The following ARFIP1 variants were observed in gnomAD, a reference collection of about 807,000 sequenced individuals.
ARFIP1 encodes the protein ARF interacting protein 1, also known as arfaptin-1.
A neutral mutation model predicts 42.5 loss-of-function variants in ARFIP1; 24 were observed. That is an observed-to-expected ratio of 0.57 (90% CI 0.41 to 0.80). The LOEUF (loss-of-function observed/expected upper bound fraction) is 0.80, where lower values mean the gene tolerates loss of function less well. ARFIP1 is among the 30% of genes least tolerant of loss of function. The probability of loss-of-function intolerance (pLI) is 0.00; values close to 1 mark genes in which losing one functional copy is unlikely to be tolerated. For synonymous variants in ARFIP1, 141 were observed against 153.7 expected (o/e 0.92, Z 0.61); for missense variants, 354 against 434.0 (o/e 0.82, Z 1.64).
chr4:152,835,339 A>T (rs540178842), intron 2 of ARFIP1, among the ~76,000 whole-genome samples: 82 of 152,304 alleles, frequency 5.4e-4, no homozygotes, highest in African/African-American at 1.9e-3. Flanking sequence ...TGCTGTTTAG[A>T]AATTTCTTCT....
At chr4:152,838,766 C>T (rs1414862046) in intron 2 of ARFIP1, among the ~76,000 whole-genome samples, 1 of 152,014 alleles carries the variant, frequency 6.6e-6, no homozygotes. Flanking sequence ...TTTGGATGTC[C>T]TTATTTCTTT....
At chr4:152,909,754 T>C (rs1299901007) in intron 8 of ARFIP1, among the ~76,000 whole-genome samples, 3 of 152,226 alleles carry the variant, frequency 2.0e-5, no homozygotes, top group Non-Finnish European at 4.4e-5. Context: ...ATTTTGAATG[T>C]ACTTAGTTTG....
chr4:152,889,190 A>G (rs1312726202), intron 8 of ARFIP1, among the ~76,000 whole-genome samples: 1 of 152,056 alleles, frequency 6.6e-6, no homozygotes, highest in Admixed American at 6.6e-5. Flanking sequence ...CATAACATCA[A>G]AGGGCATTTT....
intron 2 of ARFIP1, among the ~76,000 whole-genome samples, chr4:152,859,102 G>A (rs1029168583): frequency 1.1e-4 from 16 of 152,024 alleles, no homozygotes; most frequent in Non-Finnish European, 1.6e-4. Context: ...TGGCTCTGCT[G>A]CCCAGTCTAC....
intron 7 of ARFIP1, 119 bp from the exon 8 acceptor site, chr4:152,888,014 G>T: frequency 1.6e-6 from 1 of 641,098 alleles, no homozygotes. Flanking sequence ...TAGAATATGT[G>T]TGAGAATTTT....
chr4:152,789,543 G>A (rs1412839875), intron 1 of ARFIP1, among the ~76,000 whole-genome samples: 1 of 152,186 alleles, frequency 6.6e-6, no homozygotes, highest in East Asian at 1.9e-4. Context: ...TCTCTGTGAA[G>A]CACACAATTG....
At chr4:152,908,086 C>T (rs1738519060) in intron 8 of ARFIP1, among the ~76,000 whole-genome samples, 1 of 152,092 alleles carries the variant, frequency 6.6e-6, no homozygotes, top group Non-Finnish European at 1.5e-5. Context: ...TTGAGTTTTC[C>T]TATTTCCTAA....
intron 2 of ARFIP1, among the ~76,000 whole-genome samples, chr4:152,832,521 G>GTC (rs1389289136): frequency 6.6e-6 from 1 of 152,060 alleles, no homozygotes; most frequent in African/African-American, 2.4e-5. Flanking sequence ...TCTTCTTCCA[G>GTC]TCTATGTCTT....
intron 8 of ARFIP1, among the ~76,000 whole-genome samples, chr4:152,889,809 CTATATATATACTATATATACTATATACTA>C (rs1736657502): frequency 9.3e-6 from 1 of 107,190 alleles, no homozygotes; most frequent in Admixed American, 1.2e-4. Context: ...ATACTATATA[CTATATATATACTATATATACTATATACTA>C]TATATATACT....
chr4:152,811,112 T>C (rs1044554335), intron 1 of ARFIP1, among the ~76,000 whole-genome samples: 6 of 102,508 alleles, frequency 5.9e-5, no homozygotes, highest in African/African-American at 1.4e-4. Flanking sequence ...TTTTTTTTTT[T>C]CAGTTTGGAA....
chr4:152,790,237 A>T (rs1304056476), intron 1 of ARFIP1, among the ~76,000 whole-genome samples: 6 of 152,232 alleles, frequency 3.9e-5, no homozygotes, highest in Admixed American at 3.3e-4. Flanking sequence ...TAGTAACAAA[A>T]AGTAACTCTC....
At chr4:152,806,762 A>G (rs1561110985) in intron 1 of ARFIP1, among the ~76,000 whole-genome samples, 1 of 151,684 alleles carries the variant, frequency 6.6e-6, no homozygotes, top group South Asian at 2.1e-4. Context: ...ATTCTGTACA[A>G]CTGGAATCAT....
At chr4:152,834,442 T>C (rs1388047412) in intron 2 of ARFIP1, among the ~76,000 whole-genome samples, 2 of 152,204 alleles carry the variant, frequency 1.3e-5, no homozygotes, top group Non-Finnish European at 2.9e-5. Context: ...AAACAAGTTA[T>C]TTACTCCCAA....
At chr4:152,840,322 GA>G (rs1191154931) in intron 2 of ARFIP1, among the ~76,000 whole-genome samples, 1 of 152,120 alleles carries the variant, frequency 6.6e-6, no homozygotes, top group Non-Finnish European at 1.5e-5. Context: ...CTATCTTGAT[GA>G]CCTGTCTAGT....
chr4:152,819,710 G>A (rs1578865352), intron 1 of ARFIP1, among the ~76,000 whole-genome samples: 1 of 152,190 alleles, frequency 6.6e-6, no homozygotes, highest in East Asian at 1.9e-4. Flanking sequence ...CTTGGGGGAA[G>A]TTTCTTTCAG....
intron 1 of ARFIP1, among the ~76,000 whole-genome samples, chr4:152,813,903 T>C (rs758838443): frequency 1.3e-4 from 20 of 152,158 alleles, no homozygotes; most frequent in South Asian, 4.1e-4. Flanking sequence ...TCCTCCTCCT[T>C]CTTTTCTGAA....
intron 3 of ARFIP1, among the ~76,000 whole-genome samples, chr4:152,867,561 A>G (rs1734519084): frequency 6.6e-6 from 1 of 152,040 alleles, no homozygotes; most frequent in Non-Finnish European, 1.5e-5. Flanking sequence ...GAGGGTCTCG[A>G]AACAATTACT....
At chr4:152,887,589 T>C (rs1736368986) in intron 7 of ARFIP1, among the ~76,000 whole-genome samples, 1 of 152,102 alleles carries the variant, frequency 6.6e-6, no homozygotes, top group Non-Finnish European at 1.5e-5. Context: ...ATTTTAGATA[T>C]ATTGGGTAAA....
intron 2 of ARFIP1, among the ~76,000 whole-genome samples, chr4:152,846,638 A>G (rs1384896152): frequency 6.6e-6 from 1 of 152,144 alleles, no homozygotes; most frequent in East Asian, 1.9e-4. Context: ...TTCTATTTTA[A>G]TAGAGATAAA....
Sources: gnomAD v4.1 joint callset for allele counts (sites outside exome capture counted in the v4.1 genomes callset) on GRCh38, gnomAD v4.1.1 for gene constraint, MANE v1.5 for transcripts, NCBI Gene and HGNC (gene_info 2026-07-23, HGNC 2026-07-21) for gene names.